VAV3: variants seen among roughly 807,000 people sequenced by gnomAD.
VAV3 encodes vav guanine nucleotide exchange factor 3.
VAV3 carries 94 observed loss-of-function variants against 131.2 expected under a neutral mutation model. The observed-to-expected ratio is 0.72, with a 90% confidence interval of 0.61 to 0.85. The LOEUF (loss-of-function observed/expected upper bound fraction) is 0.85. Ranked by LOEUF, VAV3 falls within the 40% of genes least tolerant of loss-of-function variation. VAV3 has a pLI of 0.00. For synonymous variants in VAV3, 349 were observed against 342.0 expected (o/e 1.02, Z -0.22); for missense variants, 939 against 1,002.7 (o/e 0.94, Z 0.86).
At chr1:107,611,538 T>C (rs2101161129) in intron 21 of VAV3, among the ~76,000 whole-genome samples, 1 of 151,648 alleles carries the variant, frequency 6.6e-6, no homozygotes, top group East Asian at 1.9e-4. Flanking sequence ...CCTCTCCCTG[T>C]GTTCTTTAAA....
At chr1:107,625,156 T>C (rs1399566787) in intron 20 of VAV3, among the ~76,000 whole-genome samples, 2 of 152,170 alleles carry the variant, frequency 1.3e-5, no homozygotes, top group Non-Finnish European at 2.9e-5. Context: ...ATAAGCACTT[T>C]TGCAATGCCC....
chr1:107,912,202 A>T (rs775049918), intron 1 of VAV3, among the ~76,000 whole-genome samples: 14 of 152,330 alleles, frequency 9.2e-5, no homozygotes, highest in Middle Eastern at 3.4e-3. Flanking sequence ...TGACACAAAA[A>T]AATAACAACT....
chr1:107,855,104 A>G (rs948833751), intron 2 of VAV3, among the ~76,000 whole-genome samples: 2 of 152,144 alleles, frequency 1.3e-5, no homozygotes, highest in African/African-American at 4.8e-5. Flanking sequence ...TTACTGCTGC[A>G]CACAATCCAC....
chr1:107,782,291 C>T (rs970089639), intron 2 of VAV3, among the ~76,000 whole-genome samples: 5 of 152,092 alleles, frequency 3.3e-5, no homozygotes, highest in Non-Finnish European at 7.4e-5. Context: ...AATGCATTTT[C>T]TATTCCTTTT....
chr1:107,824,557 A>G (rs1667934405), intron 2 of VAV3, among the ~76,000 whole-genome samples: 1 of 152,232 alleles, frequency 6.6e-6, no homozygotes, highest in Admixed American at 6.5e-5. Flanking sequence ...AACAAATAAA[A>G]CAACCTACAG....
rs542274491 is a variant in VAV3, at chr1:107,909,449, A to G, written c.205-34432T>C. On this transcript the variant is annotated intron_variant, in intron 1 of 26. Coordinates refer to ENST00000370056, the MANE Select transcript of VAV3 (RefSeq NM_006113.5). Reference sequence around the variant, plus strand: ...TAAATGAAAGATGAGTAGACAATGGAAAAAAAAATGGTCACAATTTTTCCC... The same window carrying G: ...TAAATGAAAGATGAGTAGACAATGGGAAAAAAAATGGTCACAATTTTTCCC... Among the ~76,000 whole-genome samples the G allele has an allele frequency of 1.6e-4, 17 of 107,134 alleles. No individual in the cohort carries two copies. In the East Asian group the frequency reaches 3.0e-3, roughly 19 times the overall value. 70.3% of individuals were successfully genotyped at this position (107,134 alleles called of 152,430 possible).
intron 18 of VAV3, among the ~76,000 whole-genome samples, chr1:107,687,303 C>T (rs1036084022): frequency 6.6e-6 from 1 of 152,026 alleles, no homozygotes; most frequent in Non-Finnish European, 1.5e-5. Flanking sequence ...AAATTATGTA[C>T]TTATGCAAAA....
chr1:107,837,206 A>C (rs1668516969), intron 2 of VAV3, among the ~76,000 whole-genome samples: 1 of 152,228 alleles, frequency 6.6e-6, no homozygotes, highest in Non-Finnish European at 1.5e-5. Flanking sequence ...GAAGCACATC[A>C]AAAAGTTAGT....
chr1:107,606,131 T>C (rs1344042738), intron 22 of VAV3, among the ~76,000 whole-genome samples: 4 of 152,210 alleles, frequency 2.6e-5, no homozygotes, highest in African/African-American at 9.7e-5. Context: ...ATACACAGGA[T>C]GTAACACTCT....
At chr1:107,591,350 T>C (rs905008413) in intron 25 of VAV3, among the ~76,000 whole-genome samples, 1 of 152,182 alleles carries the variant, frequency 6.6e-6, no homozygotes, top group African/African-American at 2.4e-5. Flanking sequence ...ACTATTATAA[T>C]TCAAGTATCT....
intron 1 of VAV3, among the ~76,000 whole-genome samples, chr1:107,879,609 T>C (rs530828978): frequency 6.6e-6 from 1 of 152,248 alleles, no homozygotes; most frequent in East Asian, 1.9e-4. Flanking sequence ...TGCTAGACCT[T>C]TGAATCATCT....
At chr1:107,589,645 T>C (rs1425215005) in intron 25 of VAV3, among the ~76,000 whole-genome samples, 2 of 152,196 alleles carry the variant, frequency 1.3e-5, no homozygotes, top group South Asian at 4.1e-4. Context: ...AAAACAAATA[T>C]TTAAATTACC....
intron 25 of VAV3, among the ~76,000 whole-genome samples, chr1:107,589,049 A>G (rs1650729919): frequency 6.6e-6 from 1 of 152,194 alleles, no homozygotes; most frequent in Non-Finnish European, 1.5e-5. Flanking sequence ...AATCTCATTC[A>G]CTGACTGCCT....
At chr1:107,630,903 T>C (rs752404565) in intron 20 of VAV3, among the ~76,000 whole-genome samples, 26 of 152,204 alleles carry the variant, frequency 1.7e-4, no homozygotes, top group Non-Finnish European at 3.7e-4. Flanking sequence ...GATTACGCCA[T>C]TGAGTAAGTA....
At chr1:107,677,038 A>G (rs958799245) in intron 19 of VAV3, among the ~76,000 whole-genome samples, 1 of 152,212 alleles carries the variant, frequency 6.6e-6, no homozygotes, top group African/African-American at 2.4e-5. Flanking sequence ...AAAAACAATT[A>G]TAAGAACCAA....
chr1:107,783,849 C>A (rs555527539), intron 2 of VAV3, among the ~76,000 whole-genome samples: 26 of 150,270 alleles, frequency 1.7e-4, no homozygotes, highest in Non-Finnish European at 3.5e-4. Flanking sequence ...GAGATCGAGA[C>A]CATCCTGGCC....
At chr1:107,716,945 C>T (rs1254402869) in intron 15 of VAV3, among the ~76,000 whole-genome samples, 1 of 152,200 alleles carries the variant, frequency 6.6e-6, no homozygotes, top group Non-Finnish European at 1.5e-5. Flanking sequence ...AGGGATTCAA[C>T]ATCTTCCTAG....
intron 1 of VAV3, among the ~76,000 whole-genome samples, chr1:107,903,066 C>T (rs1274984038): frequency 6.6e-6 from 1 of 152,076 alleles, no homozygotes; most frequent in African/African-American, 2.4e-5. Context: ...TATCTCCAGC[C>T]TTCTCAACAA....
chr1:107,770,034 T>C (rs6690837), intron 6 of VAV3, among the ~76,000 whole-genome samples: 111,471 of 152,034 alleles, frequency 0.73, 41,245 homozygotes, highest in Non-Finnish European at 0.79. Flanking sequence ...CCAATGTCCT[T>C]GCATGGCCTA....
Sources: allele counts gnomAD v4.1 joint callset (sites outside exome capture counted in the v4.1 genomes callset), GRCh38; gene constraint gnomAD v4.1.1; transcripts MANE v1.5; gene names NCBI Gene and HGNC (gene_info 2026-07-23, HGNC 2026-07-21).